Variants in GAREM1 observed in about 807,000 individuals in gnomAD.
The protein encoded by GAREM1 is GRB2-associated and regulator of MAPK protein 1.
In GAREM1, 26 loss-of-function variants were observed where a neutral mutation model predicts 71.3. That is an observed-to-expected ratio of 0.36 (90% CI 0.27 to 0.51). The LOEUF (loss-of-function observed/expected upper bound fraction) is 0.51. GAREM1 is among the 20% of genes least tolerant of loss of function. The probability of loss-of-function intolerance (pLI) is 0.95; values close to 1 mark genes in which losing one functional copy is unlikely to be tolerated. For synonymous variants in GAREM1, 440 were observed against 433.2 expected, an observed-to-expected ratio of 1.02 and a Z score of -0.20; for missense variants, 1,026 against 1,103.1, an observed-to-expected ratio of 0.93 and a Z score of 0.99.
intron 2 of GAREM1, among the ~76,000 whole-genome samples, chr18:32,329,395 A>G (rs2144553189): frequency 6.6e-6 from 1 of 151,744 alleles, no homozygotes. Flanking sequence ...AAAAAAAGGT[A>G]TTGCTTCACA....
intron 2 of GAREM1, among the ~76,000 whole-genome samples, chr18:32,319,040 C>G (rs1394680783): frequency 6.6e-6 from 1 of 152,124 alleles, no homozygotes; most frequent in Admixed American, 6.6e-5. Context: ...TGTGGTACCT[C>G]CAGCATCATA....
At chr18:32,307,571 G>A (rs1003687015) in intron 3 of GAREM1, among the ~76,000 whole-genome samples, 11 of 152,150 alleles carry the variant, frequency 7.2e-5, no homozygotes, top group Non-Finnish European at 1.3e-4. Context: ...CGCTAAGGCT[G>A]GAGTGCAATG....
intron 1 of GAREM1, among the ~76,000 whole-genome samples, chr18:32,430,218 T>A (rs184686916): frequency 6.6e-6 from 1 of 152,132 alleles, no homozygotes; most frequent in Non-Finnish European, 1.5e-5. Context: ...CTCAGAAATA[T>A]GAAAACCAAC....
intron 1 of GAREM1, among the ~76,000 whole-genome samples, chr18:32,446,484 G>A (rs1206317896): frequency 6.6e-6 from 1 of 152,150 alleles, no homozygotes; most frequent in African/African-American, 2.4e-5. Flanking sequence ...AGAAATGCAA[G>A]CTGGACTATC....
chr18:32,396,628 C>T (rs2048259603), intron 1 of GAREM1, among the ~76,000 whole-genome samples: 1 of 152,298 alleles, frequency 6.6e-6, no homozygotes, highest in South Asian at 2.1e-4. Context: ...AAGAAACGAA[C>T]AAAGCCTCCA....
chr18:32,364,024 A>ATTTTTTTTTTTTTTT (rs1292370389), intron 2 of GAREM1, among the ~76,000 whole-genome samples: 1 of 52,224 alleles, frequency 1.9e-5, no homozygotes. Flanking sequence ...ATATATATAT[A>ATTTTTTTTTTTTTTT]TATGTTTTTT....
Position 32,391,666 on chromosome 18 carries a change from T to C in GAREM1, c.262+1229A>G, listed in dbSNP as rs975509322. 1.1e-4 allele frequency among the ~76,000 whole-genome samples: 16 copies of C among 152,264 alleles called. No homozygotes were observed. The East Asian group carries it at 2.7e-3, about 26-fold the overall frequency. The stretch of plus-strand genomic sequence containing the variant: ...CAGAATGGGTAGGGTAGGGGGTTTG[T>C]TTCATTCTCTGCCCCTGTGAAAACT... On this transcript the variant is annotated intron_variant, in intron 2 of 5. Transcript: ENST00000269209.
chr18:32,457,226 A>AGTGTGTGTGTGTGTGTGTGTGTGTGT (rs566379367), intron 1 of GAREM1, among the ~76,000 whole-genome samples: 1 of 81,926 alleles, frequency 1.2e-5, no homozygotes, highest in Non-Finnish European at 2.4e-5. Context: ...AGAGAGAGAG[A>AGTGTGTGTGTGTGTGTGTGTGTGTGT]GTGTGTGTGT....
chr18:32,434,391 G>A (rs1044446370), intron 1 of GAREM1, among the ~76,000 whole-genome samples: 42 of 152,116 alleles, frequency 2.8e-4, no homozygotes, highest in African/African-American at 9.9e-4. Flanking sequence ...ACAAGTACCC[G>A]GATCTTTAAA....
In GAREM1 at chr18:32,283,164, T is replaced by G. The variant is rs114763252; in HGVS notation, c.1566+3867A>C. On this transcript the variant is annotated intron_variant, in intron 4 of 5. Transcript: ENST00000269209. ...CTTGTCTATTTCTTGAACCAGGAAC[T>G]GTTTACTTTTCCCTGGGACATTCCC... 1.2e-3 allele frequency among the ~76,000 whole-genome samples: 188 copies of G among 152,368 alleles called. 1 individual carries two copies. The highest frequency in any genetic ancestry group is 3.8e-3 in the African/African-American group (159 of 41,586).
chr18:32,419,725 T>C (rs1303362029), intron 1 of GAREM1, among the ~76,000 whole-genome samples: 4 of 152,132 alleles, frequency 2.6e-5, no homozygotes, highest in African/African-American at 9.7e-5. Context: ...TAATCTGGCA[T>C]AACACCAGGG....
intron 2 of GAREM1, among the ~76,000 whole-genome samples, chr18:32,364,022 A>ATGTTTTTT (rs1236005063): frequency 0.025 from 1,315 of 51,932 alleles, 20 homozygotes; most frequent in African/African-American, 0.031. Context: ...ATATATATAT[A>ATGTTTTTT]TATATGTTTT....
intron 3 of GAREM1, among the ~76,000 whole-genome samples, chr18:32,302,449 C>A (rs989826828): frequency 1.8e-4 from 28 of 152,098 alleles, no homozygotes; most frequent in Non-Finnish European, 3.4e-4. Flanking sequence ...CACTTAATTT[C>A]TCTGAAACTT....
chr18:32,383,634 G>T (rs1209183001), intron 2 of GAREM1, among the ~76,000 whole-genome samples: 1 of 152,192 alleles, frequency 6.6e-6, no homozygotes, highest in African/African-American at 2.4e-5. Flanking sequence ...GTCACAGGCA[G>T]CTTGTTTAAA....
At chr18:32,406,017 A>G (rs1013660514) in intron 1 of GAREM1, among the ~76,000 whole-genome samples, 1 of 152,202 alleles carries the variant, frequency 6.6e-6, no homozygotes, top group African/African-American at 2.4e-5. Flanking sequence ...TAATCACAAA[A>G]GTTTTATTAC....
chr18:32,308,443 T>TA (rs1187590233), intron 3 of GAREM1, among the ~76,000 whole-genome samples: 3 of 150,278 alleles, frequency 2.0e-5, no homozygotes, highest in Non-Finnish European at 4.4e-5. Flanking sequence ...AAAAATCACT[T>TA]AAAAATTTAC....
chr18:32,363,995 C>CACATATATATAT (rs1555638702), intron 2 of GAREM1, among the ~76,000 whole-genome samples: 3 of 21,338 alleles, frequency 1.4e-4, no homozygotes, highest in Non-Finnish European at 2.5e-4. Context: ...TACATATATA[C>CACATATATATAT]ATATATATAT....
chr18:32,401,771 T>C (rs551723963), intron 1 of GAREM1, among the ~76,000 whole-genome samples: 22 of 152,342 alleles, frequency 1.4e-4, no homozygotes, highest in African/African-American at 5.1e-4. Flanking sequence ...CGCAACTAAA[T>C]TGTTGTATCA....
At chr18:32,289,787 A>G (rs1042250447) in intron 3 of GAREM1, among the ~76,000 whole-genome samples, 2 of 152,198 alleles carry the variant, frequency 1.3e-5, no homozygotes, top group African/African-American at 4.8e-5. Context: ...TCAATATGCT[A>G]TAATGCCCAG....
Sources: gnomAD v4.1 joint callset for allele counts (sites outside exome capture counted in the v4.1 genomes callset) on GRCh38, gnomAD v4.1.1 for gene constraint, MANE v1.5 for transcripts, NCBI Gene and HGNC (gene_info 2026-07-23, HGNC 2026-07-21) for gene names.